RNF13: variants seen among roughly 807,000 people sequenced by gnomAD.
RNF13 encodes the protein E3 ubiquitin-protein ligase RNF13.
RNF13 carries 19 observed loss-of-function variants against 37.7 expected under a neutral mutation model. The ratio of observed to expected loss-of-function variants is 0.50; its 90% CI spans 0.35 to 0.74. The LOEUF (loss-of-function observed/expected upper bound fraction) is 0.74, where lower values mean the gene tolerates loss of function less well. Ranked by LOEUF, RNF13 falls within the 30% of genes least tolerant of loss-of-function variation. The probability of loss-of-function intolerance (pLI) is 0.01; values close to 1 mark genes in which losing one functional copy is unlikely to be tolerated. For synonymous variants in RNF13, 144 were observed against 157.8 expected (o/e 0.91, Z 0.65); for missense variants, 375 against 453.0 (o/e 0.83, Z 1.56).
intron 1 of RNF13, among the ~76,000 whole-genome samples, chr3:149,826,192 G>A (rs1474452280): frequency 6.6e-6 from 1 of 152,172 alleles, no homozygotes; most frequent in Non-Finnish European, 1.5e-5. Flanking sequence ...TGGAATGCTG[G>A]TAATCCATGG....
intron 8 of RNF13, among the ~76,000 whole-genome samples, chr3:149,954,267 T>C (rs1261996214): frequency 1.3e-5 from 2 of 151,990 alleles, no homozygotes; most frequent in Non-Finnish European, 2.9e-5. Context: ...TAGAGGAAAG[T>C]GTAGAACACA....
At chr3:149,841,928 C>T (rs916925121) in intron 1 of RNF13, among the ~76,000 whole-genome samples, 1 of 152,184 alleles carries the variant, frequency 6.6e-6, no homozygotes, top group African/African-American at 2.4e-5. Context: ...CTACACTCGG[C>T]CTGGGCAGAT....
chr3:149,824,888 T>C (rs1720338213), intron 1 of RNF13, among the ~76,000 whole-genome samples: 1 of 151,924 alleles, frequency 6.6e-6, no homozygotes, highest in Admixed American at 6.6e-5. Context: ...TAAACTTGTG[T>C]CATGGGAGTT....
At chr3:149,926,045 C>CAT (rs1355504212) in intron 8 of RNF13, among the ~76,000 whole-genome samples, 1 of 152,200 alleles carries the variant, frequency 6.6e-6, no homozygotes, top group Non-Finnish European at 1.5e-5. Context: ...GTGTCTGTTT[C>CAT]ATATATGGGA....
At chr3:149,872,324 A>G (rs1712163834) in intron 4 of RNF13, among the ~76,000 whole-genome samples, 170 bp downstream of exon 4, 1 of 152,210 alleles carries the variant, frequency 6.6e-6, no homozygotes, top group African/African-American at 2.4e-5. Flanking sequence ...AAGAATTTTC[A>G]GGCATTTGTT....
intron 5 of RNF13, among the ~76,000 whole-genome samples, chr3:149,898,458 A>G (rs1015803006): frequency 1.3e-5 from 2 of 152,140 alleles, no homozygotes; most frequent in Non-Finnish European, 2.9e-5. Flanking sequence ...AGTACTTAAG[A>G]GAGTACTTTC....
intron 8 of RNF13, among the ~76,000 whole-genome samples, chr3:149,949,788 A>T (rs149669111): frequency 2.8e-4 from 28 of 101,116 alleles, no homozygotes; most frequent in African/African-American, 9.7e-4. Context: ...TTGGGGATTT[A>T]TCCTGCTTGG....
At chr3:149,939,187 CT>C in intron 8 of RNF13, 1 of 517,118 alleles carries the variant, frequency 1.9e-6, no homozygotes. Context: ...GGTTTTCAGT[CT>C]TTTCCATTCT....
intron 1 of RNF13, among the ~76,000 whole-genome samples, chr3:149,833,591 CA>C (rs1721289386): frequency 6.6e-6 from 1 of 152,132 alleles, no homozygotes. Flanking sequence ...AAACACCCAA[CA>C]AACTGAAAAT....
chr3:149,928,334 T>A lies in RNF13; in HGVS notation c.700+7107T>A, dbSNP rs145222950. On this transcript the variant is annotated intron_variant, in intron 8 of 9. Coordinates refer to ENST00000392894, the MANE Select transcript of RNF13 (RefSeq NM_183381.3). ...ATTTAGGTCTTTTATCAATTTAGAG[T>A]TGATTTTCATATATAGTAAATATGA... Among the ~76,000 whole-genome samples the A allele has an allele frequency of 5.4e-3, 824 of 152,212 alleles. 4 individuals carry two copies. The highest frequency in any genetic ancestry group is 9.5e-3 in the Non-Finnish European group (646 of 67,980).
intron 3 of RNF13, among the ~76,000 whole-genome samples, chr3:149,856,444 CT>C (rs34185354): frequency 0.36 from 48,903 of 134,958 alleles, 7,669 homozygotes; most frequent in East Asian, 0.59. Context: ...CTGAAAAATA[CT>C]TTTTTTTTTT....
intron 8 of RNF13, among the ~76,000 whole-genome samples, chr3:149,933,526 T>TA (rs1719371224): frequency 6.6e-6 from 1 of 152,042 alleles, no homozygotes; most frequent in South Asian, 2.1e-4. Flanking sequence ...ATGTTGATTT[T>TA]ATATCCTGCA....
chr3:149,897,944 C>A (rs530604965), intron 5 of RNF13, among the ~76,000 whole-genome samples: 1 of 152,272 alleles, frequency 6.6e-6, no homozygotes, highest in East Asian at 1.9e-4. Context: ...CAATAACATT[C>A]TTTATCTTTA....
At chr3:149,861,803 C>T (rs1724282900) in intron 3 of RNF13, among the ~76,000 whole-genome samples, 1 of 152,070 alleles carries the variant, frequency 6.6e-6, no homozygotes, top group Non-Finnish European at 1.5e-5. Flanking sequence ...GTTCTCAACA[C>T]ATAGAAATGA....
At chr3:149,870,720 G>T (rs1005983735) in intron 3 of RNF13, among the ~76,000 whole-genome samples, 1 of 151,822 alleles carries the variant, frequency 6.6e-6, no homozygotes, top group African/African-American at 2.4e-5. Context: ...GTGCTTTATG[G>T]GATTAAGAAG....
At chr3:149,927,890 G>A (rs1419540941) in intron 8 of RNF13, among the ~76,000 whole-genome samples, 1 of 151,364 alleles carries the variant, frequency 6.6e-6, no homozygotes, top group Non-Finnish European at 1.5e-5. Flanking sequence ...TTCCCATTCT[G>A]TCAGTTGTCA....
At chr3:149,960,019 G>T (rs1452984337) in intron 8 of RNF13, 37 bp from the exon 9 acceptor site, 1 of 1,434,438 alleles carries the variant, frequency 7.0e-7, no homozygotes, top group Admixed American at 1.7e-5. Context: ...AGTTTGAAAG[G>T]TGAAAAAATA....
At chr3:149,890,121 C>T (rs1714539783) in intron 4 of RNF13, among the ~76,000 whole-genome samples, 1 of 152,200 alleles carries the variant, frequency 6.6e-6, no homozygotes, top group South Asian at 2.1e-4. Context: ...TGGCCAAAGG[C>T]ATTCTCCAAG....
At chr3:149,863,669 C>G (rs951752029) in intron 3 of RNF13, among the ~76,000 whole-genome samples, 11 of 152,122 alleles carry the variant, frequency 7.2e-5, no homozygotes, top group Non-Finnish European at 1.2e-4. Context: ...TGTGAGCCAC[C>G]ACACCCGGGC....
Sources: allele counts gnomAD v4.1 joint callset (sites outside exome capture counted in the v4.1 genomes callset), GRCh38; gene constraint gnomAD v4.1.1; transcripts MANE v1.5; gene names NCBI Gene and HGNC (gene_info 2026-07-23, HGNC 2026-07-21).